MORN1: variants seen among roughly 807,000 people sequenced by gnomAD.
The protein encoded by MORN1 is MORN repeat containing 1.
Under a neutral mutation model 61.9 loss-of-function variants are expected in MORN1, and 67 were observed. That is an observed-to-expected ratio of 1.08 (90% CI 0.89 to 1.33). The LOEUF (loss-of-function observed/expected upper bound fraction) is 1.33. Among genes scored for constraint, MORN1 ranks in the 40% most tolerant of loss-of-function variants. MORN1 has a pLI of 0.00. For synonymous variants in MORN1, 301 were observed against 292.0 expected (o/e 1.03, Z -0.31); for missense variants, 752 against 691.2 (o/e 1.09, Z -0.99).
intron 12 of MORN1, among the ~76,000 whole-genome samples, chr1:2,325,056 C>T (rs1187497584): frequency 6.7e-6 from 1 of 150,058 alleles, no homozygotes; most frequent in Non-Finnish European, 1.5e-5. Context: ...CCTCCCCGGG[C>T]AGTGAGATGC....
In MORN1 at chr1:2,389,707, G is replaced by A. The variant is rs1326942992; in HGVS notation, c.148+218C>T. Among the ~76,000 whole-genome samples the A allele has an allele frequency of 2.6e-5, 4 of 152,228 alleles. No individual in the cohort carries two copies. The South Asian group carries it at 6.2e-4, about 24-fold the overall frequency. ...AACCTCTAGGGAGAATTTCAAAGTCGCAGCTTCCTTTGCTAAAGGTGGCCC... is the reference window on the plus strand; with the variant it reads ...AACCTCTAGGGAGAATTTCAAAGTCACAGCTTCCTTTGCTAAAGGTGGCCC... On this transcript the variant is annotated intron_variant, in intron 2 of 13. Transcript: ENST00000378531.
chr1:2,329,475 G>A (rs965520239), intron 12 of MORN1, among the ~76,000 whole-genome samples: 2 of 152,186 alleles, frequency 1.3e-5, no homozygotes, highest in African/African-American at 4.8e-5. Flanking sequence ...CATTGTCCTG[G>A]GAGTTCTCAT....
intron 8 of MORN1, among the ~76,000 whole-genome samples, chr1:2,369,355 G>GAAAA (rs55703845): frequency 6.9e-4 from 55 of 79,718 alleles, no homozygotes; most frequent in Non-Finnish European, 9.3e-4. Context: ...CTCAGTCTCA[G>GAAAA]AAAAAAAAAA....
intron 7 of MORN1, among the ~76,000 whole-genome samples, chr1:2,374,113 G>T (rs1272878060): frequency 6.6e-6 from 1 of 152,188 alleles, no homozygotes; most frequent in Non-Finnish European, 1.5e-5. Flanking sequence ...CCCCAGAGGA[G>T]GCCCAACTGG....
intron 12 of MORN1, among the ~76,000 whole-genome samples, chr1:2,326,968 C>G (rs575109679): frequency 2.6e-5 from 4 of 152,346 alleles, no homozygotes; most frequent in African/African-American, 9.6e-5. Flanking sequence ...CAGACGCGCG[C>G]TGTGGACACA....
intron 6 of MORN1, among the ~76,000 whole-genome samples, chr1:2,380,911 G>C (rs369348646): frequency 6.6e-6 from 1 of 152,162 alleles, no homozygotes; most frequent in Non-Finnish European, 1.5e-5. Flanking sequence ...CACAAGCAAC[G>C]GCTGTCCCCT....
rs371034586 is a variant in MORN1 at position 2,324,193 on chromosome 1, C to T, written c.1251-50G>A. The stretch of plus-strand genomic sequence containing the variant: ...CCTGAATGCCCTGCCTGGGCCCCGA[C>T]GACATGGCATCCCTGACCTGAACCA... On this transcript the variant is annotated intron_variant, in intron 12 of 13. Coordinates refer to ENST00000378531, the MANE Select transcript of MORN1 (RefSeq NM_024848.3). 74 of 1,542,366 alleles carry T rather than the reference C, an allele frequency of 4.8e-5. 1 individual carries two copies. Among genetic ancestry groups the T allele is most frequent in the Non-Finnish European group, 4.8e-5 (54 of 1,136,070 alleles).
At chr1:2,365,070 T>C (rs1433750105) in intron 8 of MORN1, among the ~76,000 whole-genome samples, 3 of 152,054 alleles carry the variant, frequency 2.0e-5, no homozygotes, top group East Asian at 1.9e-4. Context: ...ATATGAACTT[T>C]AAAGTAGTTT....
At chr1:2,330,506 C>T (rs551512615) in intron 12 of MORN1, among the ~76,000 whole-genome samples, 7 of 152,168 alleles carry the variant, frequency 4.6e-5, no homozygotes, top group East Asian at 1.9e-4. Context: ...GGACACTCTG[C>T]GGTCACTGGC....
intron 8 of MORN1, among the ~76,000 whole-genome samples, chr1:2,369,355 G>GAAAAAAAA (rs55703845): frequency 2.5e-5 from 2 of 80,596 alleles, no homozygotes; most frequent in Non-Finnish European, 2.2e-5. Context: ...CTCAGTCTCA[G>GAAAAAAAA]AAAAAAAAAA....
In MORN1 at chr1:2,357,586, G is replaced by A. The variant is rs758235874; in HGVS notation, c.882C>T (p.Cys294=). Reference sequence around the variant, plus strand: ...CGGGGCTGGACACAGGATAAGGGATGCATTCGAACCCACTGCAAAGGAATG... The same window carrying A: ...CGGGGCTGGACACAGGATAAGGGATACATTCGAACCCACTGCAAAGGAATG... ...TLIQTPFGFE[C]IPYPVSSPAA... Residue 294 remains cysteine (C), a synonymous_variant, in exon 10 of 14, where the codon TGC becomes TGT. Coordinates refer to ENST00000378531, the MANE Select transcript of MORN1 (RefSeq NM_024848.3). This position sits in a 1 kb window ranked among gnomAD's most constrained non-coding sequence, Gnocchi z 6.3. 2.1e-5 allele frequency: 33 copies of A among 1,597,104 alleles called. No homozygotes were observed. Among genetic ancestry groups the A allele is most frequent in the Non-Finnish European group, 2.8e-5 (33 of 1,170,144 alleles).
At chr1:2,387,392 A>C in intron 4 of MORN1, 27 bp downstream of exon 4, 2 of 1,559,378 alleles carry the variant, frequency 1.3e-6, no homozygotes, top group South Asian at 2.2e-5. Flanking sequence ...CCACCCTCAC[A>C]GCACCCGGCT....
chr1:2,354,659 G>A (rs974079347), intron 10 of MORN1, among the ~76,000 whole-genome samples: 4 of 152,180 alleles, frequency 2.6e-5, no homozygotes, highest in Non-Finnish European at 5.9e-5. Context: ...CCTCTCCTCC[G>A]GGGCGCCCCC....
Position 2,372,963 on chromosome 1 carries a change from T to C in MORN1, c.635-372A>G, listed in dbSNP as rs896985069. Among the ~76,000 whole-genome samples, 1 of 152,248 alleles carries C rather than the reference T, an allele frequency of 6.6e-6. No individual in the cohort carries two copies. Among genetic ancestry groups the C allele is most frequent in the African/African-American group, 2.4e-5 (1 of 41,470 alleles). On this transcript the variant is annotated intron_variant, in intron 7 of 13. Coordinates refer to ENST00000378531, the MANE Select transcript of MORN1 (RefSeq NM_024848.3). This position sits in a 1 kb window ranked among gnomAD's most constrained non-coding sequence, Gnocchi z 5.4. The stretch of plus-strand genomic sequence containing the variant: ...GGATTTAGGCCCTGCATTCCCTGCA[T>C]CTGAGTCAGCACCCTGAGGTGCTGG...
Position 2,357,735 on chromosome 1 carries a change from G to C in MORN1, c.870-137C>G. The C allele has an allele frequency of 2.9e-6, 3 of 1,038,372 alleles. No homozygotes were observed. The highest frequency in any genetic ancestry group is 3.9e-6 in the Non-Finnish European group (3 of 767,860). The allele number at this position is 1,038,372 out of a possible 1,614,324, so 64.3% of individuals were successfully genotyped here. A position where few individuals can be genotyped will look rare whatever the true frequency, so the allele number is the denominator to read the frequency against. On this transcript the variant is annotated intron_variant, in intron 9 of 13. Coordinates refer to ENST00000378531, the MANE Select transcript of MORN1 (RefSeq NM_024848.3). The surrounding 1 kb of genome is among the most constrained non-coding windows in gnomAD (Gnocchi z 6.3). Reference sequence around the variant, plus strand: ...GGAGCGCTACTCAGCCTCTCTGGGAGGTCTCCTGCTGGGATGGGGCCAGTT... The same window carrying C: ...GGAGCGCTACTCAGCCTCTCTGGGACGTCTCCTGCTGGGATGGGGCCAGTT...
At chr1:2,367,698 C>T (rs1458858372) in intron 8 of MORN1, among the ~76,000 whole-genome samples, 1 of 151,948 alleles carries the variant, frequency 6.6e-6, no homozygotes, top group Non-Finnish European at 1.5e-5. Flanking sequence ...GTGATCTCGG[C>T]TCACTGCAAC....
Position 2,357,369 on chromosome 1 carries a change from C to A in MORN1, c.1036+63G>T. 1 of 1,515,334 alleles carries A rather than the reference C, an allele frequency of 6.6e-7. No individual in the cohort carries two copies. Among genetic ancestry groups the A allele is most frequent in the Non-Finnish European group, 8.9e-7 (1 of 1,122,784 alleles). The allele number at this position is 1,515,334 out of a possible 1,614,324, so 93.9% of individuals were successfully genotyped here. ...CTGGTTCTGGGTCCCCATGACCCCA[C>A]CCCCACCTTGACTGCTGGGCCTGGG... is the stretch of plus-strand genomic sequence containing the variant. On this transcript the variant is annotated intron_variant, in intron 10 of 13. Coordinates refer to ENST00000378531, the MANE Select transcript of MORN1 (RefSeq NM_024848.3). This position sits in a 1 kb window ranked among gnomAD's most constrained non-coding sequence, Gnocchi z 6.3.
intron 13 of MORN1, 90 bp from the exon 14 acceptor site, chr1:2,321,669 C>G: frequency 7.2e-7 from 1 of 1,395,048 alleles, no homozygotes; most frequent in South Asian, 1.6e-5. Context: ...CATGTGCCCG[C>G]TGGCCCCTGT....
intron 13 of MORN1, chr1:2,321,994 C>T (rs528206581): frequency 1.2e-5 from 12 of 977,678 alleles, no homozygotes; most frequent in Middle Eastern, 1.1e-3. Flanking sequence ...TAATTCATTC[C>T]CTCCATAAAC....
Sources: allele counts gnomAD v4.1 joint callset (sites outside exome capture counted in the v4.1 genomes callset), GRCh38; gene constraint gnomAD v4.1.1; non-coding constraint Gnocchi (gnomAD v3.1); transcripts MANE v1.5; gene names NCBI Gene and HGNC (gene_info 2026-07-23, HGNC 2026-07-21).